ZDHHC7: variants seen among roughly 807,000 people sequenced by gnomAD.
ZDHHC7 encodes palmitoyltransferase ZDHHC7.
Under a neutral mutation model 34.1 loss-of-function variants are expected in ZDHHC7, and 12 were observed. The ratio of observed to expected loss-of-function variants is 0.35; its 90% CI spans 0.23 to 0.57. ZDHHC7 has a LOEUF of 0.57. Among genes scored for constraint, ZDHHC7 ranks in the 20% least tolerant of loss-of-function variants. ZDHHC7 has a pLI of 0.84. For synonymous variants in ZDHHC7, 185 were observed against 155.4 expected, an observed-to-expected ratio of 1.19 and a Z score of -1.42; for missense variants, 388 against 402.7, an observed-to-expected ratio of 0.96 and a Z score of 0.31.
intron 1 of ZDHHC7, among the ~76,000 whole-genome samples, chr16:85,005,933 G>A (rs1483075661): frequency 6.6e-6 from 1 of 152,122 alleles, no homozygotes; most frequent in African/African-American, 2.4e-5. Flanking sequence ...CCCACTTACA[G>A]CTCTGATCCT....
intron 1 of ZDHHC7, among the ~76,000 whole-genome samples, chr16:85,006,640 T>A (rs2072720551): frequency 6.6e-6 from 1 of 152,048 alleles, no homozygotes; most frequent in Non-Finnish European, 1.5e-5. Context: ...CTCAGGAGGC[T>A]AAGGTGGGAG....
In ZDHHC7 at chr16:84,990,289, G is replaced by A. The variant is rs369310512; in HGVS notation, c.315+15C>T. 1.6e-5 allele frequency: 25 copies of A among 1,609,650 alleles called. No individual in the cohort carries two copies. The highest frequency in any genetic ancestry group is 1.1e-4 in the East Asian group (5 of 44,810). ...AGACACAAGAGAGCCACCCAGAGACGCAGCCAGTACTCACAGGGTCGGTGA... is the reference window on the plus strand; with the variant it reads ...AGACACAAGAGAGCCACCCAGAGACACAGCCAGTACTCACAGGGTCGGTGA... On this transcript the variant is annotated intron_variant, in intron 3 of 7. Coordinates refer to ENST00000313732, the MANE Select transcript of ZDHHC7 (RefSeq NM_017740.3).
intron 2 of ZDHHC7, among the ~76,000 whole-genome samples, chr16:84,991,373 T>C (rs2072507503): frequency 1.3e-5 from 2 of 151,870 alleles, no homozygotes; most frequent in African/African-American, 4.8e-5. Context: ...GCAACCTCCG[T>C]CTCCCAGGTT....
chr16:84,977,531 C>G (rs2072313633), intron 6 of ZDHHC7, among the ~76,000 whole-genome samples: 1 of 152,198 alleles, frequency 6.6e-6, no homozygotes. Context: ...TTGTGTGCAC[C>G]CATACCAGTG....
the ZDHHC7 span, among the ~76,000 whole-genome samples, chr16:85,027,588 C>G: frequency 1.3e-5 from 2 of 152,086 alleles, no homozygotes; most frequent in African/African-American, 4.8e-5. Flanking sequence ...GCCGGGCGTA[C>G]CCGAGAGCGC....
At chr16:84,983,182 T>A (rs1383013865) in intron 3 of ZDHHC7, among the ~76,000 whole-genome samples, 3 of 152,096 alleles carry the variant, frequency 2.0e-5, no homozygotes, top group Admixed American at 6.5e-5. Context: ...CCACGGACAC[T>A]GGGAACAGCA....
chr16:84,989,639 G>C (rs1304049429), intron 3 of ZDHHC7, among the ~76,000 whole-genome samples: 16 of 139,504 alleles, frequency 1.1e-4, no homozygotes. Context: ...AGGTTGCAGT[G>C]AGCCAAGATC....
chr16:84,980,255 G>A (rs1326149805), intron 4 of ZDHHC7, among the ~76,000 whole-genome samples: 3 of 150,508 alleles, frequency 2.0e-5, no homozygotes, highest in Non-Finnish European at 3.0e-5. Context: ...GTGAGCCACC[G>A]CACCCGCCCA....
At chr16:84,982,296 G>A (rs969656048) in intron 3 of ZDHHC7, among the ~76,000 whole-genome samples, 2 of 149,652 alleles carry the variant, frequency 1.3e-5, no homozygotes, top group African/African-American at 2.5e-5. Context: ...AGTGAGCCAA[G>A]ATCGCGCCGT....
At chr16:84,997,403 G>A (rs2072593711) in intron 1 of ZDHHC7, among the ~76,000 whole-genome samples, 1 of 149,752 alleles carries the variant, frequency 6.7e-6, no homozygotes. Flanking sequence ...TGAGTAGCTG[G>A]GACTACAGGC....
At chr16:84,997,481 C>T (rs1400303716) in intron 1 of ZDHHC7, among the ~76,000 whole-genome samples, 1 of 150,468 alleles carries the variant, frequency 6.6e-6, no homozygotes, top group African/African-American at 2.4e-5. Context: ...CCATGTTATC[C>T]AGAATGGTCT....
At chr16:84,988,612 G>GCAGGAT in intron 3 of ZDHHC7, 1 of 689,904 alleles carries the variant, frequency 1.4e-6, no homozygotes, top group African/African-American at 1.8e-5. Flanking sequence ...AGGAGCAGGA[G>GCAGGAT]CGGGGTGGGA....
At position 84,986,598 on chromosome 16, in the gene ZDHHC7, G is replaced by C. The variant is rs112313232; in HGVS notation, c.315+3706C>G. On this transcript the variant is annotated intron_variant, in intron 3 of 7. Transcript: ENST00000313732. ...AGCCCTCTCACGATCCCAAAGTGAA[G>C]CCTGGGATCAAAGTTGCATCCTTCC... Among the ~76,000 whole-genome samples, 467 of 152,322 alleles carry C rather than the reference G, an allele frequency of 3.1e-3. 2 individuals are homozygous for C. Among genetic ancestry groups the C allele is most frequent in the African/African-American group, 0.011 (445 of 41,570 alleles).
chr16:85,009,709 CTTTTTTT>C (rs543110602), intron 1 of ZDHHC7, among the ~76,000 whole-genome samples: 1,836 of 126,632 alleles, frequency 0.014, 43 homozygotes, highest in African/African-American at 0.052. Context: ...GACTTTTTTT[CTTTTTTT>C]TTTTTTTTTT....
intron 1 of ZDHHC7, among the ~76,000 whole-genome samples, chr16:85,009,823 C>A (rs1362608595): frequency 6.6e-6 from 1 of 151,340 alleles, no homozygotes; most frequent in East Asian, 1.9e-4. Context: ...ATTCTCTTGC[C>A]TTAGCCTCCC....
intron 1 of ZDHHC7, among the ~76,000 whole-genome samples, chr16:85,000,425 T>C (rs556279625): frequency 6.6e-6 from 1 of 152,312 alleles, no homozygotes; most frequent in East Asian, 1.9e-4. Context: ...ACAGAAAATG[T>C]ATTTCTCAGG....
intron 4 of ZDHHC7, among the ~76,000 whole-genome samples, chr16:84,979,763 G>A (rs1388284760): frequency 6.6e-6 from 1 of 151,898 alleles, no homozygotes; most frequent in South Asian, 2.1e-4. Flanking sequence ...ACACACCCAG[G>A]CATGAAGTCG....
chr16:84,981,831 T>A (rs373562837), intron 4 of ZDHHC7, 39 bp downstream of exon 4: 1 of 1,612,956 alleles, frequency 6.2e-7, no homozygotes, highest in South Asian at 1.1e-5. Context: ...GTACCCGCAG[T>A]GGCGGATGCG....
chr16:85,021,846 G>A, the ZDHHC7 span, among the ~76,000 whole-genome samples: 9 of 151,840 alleles, frequency 5.9e-5, no homozygotes, highest in East Asian at 1.4e-3. Context: ...GCTGCTTTGT[G>A]GAGGACAGAT....
Sources: allele counts gnomAD v4.1 joint callset (sites outside exome capture counted in the v4.1 genomes callset), GRCh38; gene constraint gnomAD v4.1.1; transcripts MANE v1.5; gene names NCBI Gene and HGNC (gene_info 2026-07-23, HGNC 2026-07-21).